Variants in ANXA8 observed in about 807,000 individuals in gnomAD.
ANXA8 encodes VAC-beta.
A neutral mutation model predicts 26.8 loss-of-function variants in ANXA8; 9 were observed. The ratio of observed to expected loss-of-function variants is 0.34; its 90% confidence interval spans 0.20 to 0.59. The LOEUF is 0.59. ANXA8 is among the 20% of genes least tolerant of loss of function. ANXA8 has a pLI of 0.84. For missense variants in ANXA8, 83 were observed against 238.5 expected, an observed-to-expected ratio of 0.35 and a Z score of 4.29; for synonymous variants, 39 against 94.8, an observed-to-expected ratio of 0.41 and a Z score of 3.42.
the ANXA8 span, among the ~76,000 whole-genome samples, chr10:47,595,917 T>C: frequency 6.7e-6 from 1 of 148,814 alleles, no homozygotes; most frequent in Non-Finnish European, 1.5e-5. Flanking sequence ...TTGAACCTAA[T>C]AGACATCTAC....
the ANXA8 span, among the ~76,000 whole-genome samples, chr10:47,727,265 T>C: frequency 2.0e-5 from 3 of 152,288 alleles, no homozygotes; most frequent in East Asian, 3.8e-4. Flanking sequence ...ACATAATATA[T>C]ATGAAGATAG....
the ANXA8 span, among the ~76,000 whole-genome samples, chr10:47,901,045 A>G: frequency 1.4e-5 from 2 of 140,734 alleles, no homozygotes; most frequent in South Asian, 4.7e-4. Flanking sequence ...AGACCATAAT[A>G]GCAGAGGTAG....
At chr10:47,469,270 T>C (rs1251946631) in intron 11 of ANXA8, among the ~76,000 whole-genome samples, 1 of 150,654 alleles carries the variant, frequency 6.6e-6, no homozygotes, top group African/African-American at 2.4e-5. Flanking sequence ...CAACACCTGC[T>C]GTGGCAGCTT....
chr10:47,572,841 C>A, the ANXA8 span, among the ~76,000 whole-genome samples: 1 of 151,530 alleles, frequency 6.6e-6, no homozygotes, highest in East Asian at 1.9e-4. Flanking sequence ...ATAATTGATA[C>A]CTTGTGATTT....
chr10:47,954,629 C>T, the ANXA8 span, among the ~76,000 whole-genome samples: 5 of 151,238 alleles, frequency 3.3e-5, no homozygotes, highest in African/African-American at 1.2e-4. Context: ...GATTATTACG[C>T]ATTGCATGCC....
the ANXA8 span, among the ~76,000 whole-genome samples, chr10:47,949,071 C>A: frequency 1.7e-5 from 2 of 117,270 alleles, no homozygotes; most frequent in Middle Eastern, 3.8e-3. Flanking sequence ...AGCTTACTAA[C>A]TGCAGATTTT....
chr10:47,595,384 A>G, the ANXA8 span, among the ~76,000 whole-genome samples: 1 of 147,124 alleles, frequency 6.8e-6, no homozygotes, highest in African/African-American at 2.7e-5. Context: ...TAACAAAACT[A>G]TGACAGGAAC....
At chr10:47,636,722 AG>A in the ANXA8 span, among the ~76,000 whole-genome samples, 1 of 152,140 alleles carries the variant, frequency 6.6e-6, no homozygotes, top group East Asian at 1.9e-4. Context: ...CAAATGCAAA[AG>A]TAAATGAGCT....
chr10:47,596,855 C>T, the ANXA8 span, among the ~76,000 whole-genome samples: 1 of 148,078 alleles, frequency 6.8e-6, no homozygotes, highest in Non-Finnish European at 1.5e-5. Flanking sequence ...GCCAATCCTA[C>T]TGAAACTATT....
chr10:47,970,333 A>T, the ANXA8 span: 1 of 151,418 alleles, frequency 6.6e-6, no homozygotes, highest in Non-Finnish European at 1.5e-5. Flanking sequence ...ATCAGGGCTG[A>T]CTGAGCAGCT....
At chr10:47,663,267 C>T in the ANXA8 span, among the ~76,000 whole-genome samples, 2 of 148,814 alleles carry the variant, frequency 1.3e-5, no homozygotes, top group East Asian at 3.9e-4. Context: ...TCACTGATGA[C>T]CGTGTGTCTC....
chr10:47,733,280 T>TTTC, the ANXA8 span, among the ~76,000 whole-genome samples: 1 of 100,466 alleles, frequency 1.0e-5, no homozygotes, highest in Non-Finnish European at 2.0e-5. Context: ...TCTTTCTTTC[T>TTTC]TTCTTTCTTT....
chr10:47,595,910 A>C, the ANXA8 span, among the ~76,000 whole-genome samples: 1 of 148,812 alleles, frequency 6.7e-6, no homozygotes, highest in East Asian at 1.9e-4. Flanking sequence ...TGACCAATTG[A>C]ACCTAATAGA....
chr10:47,985,134 A>T, the ANXA8 span, among the ~76,000 whole-genome samples: 5 of 150,104 alleles, frequency 3.3e-5, no homozygotes, highest in African/African-American at 1.0e-4. Flanking sequence ...AGTAAAAAAA[A>T]AAAATCTGAT....
chr10:47,674,442 C>T, the ANXA8 span, among the ~76,000 whole-genome samples: 2 of 151,718 alleles, frequency 1.3e-5, no homozygotes, highest in East Asian at 1.9e-4. Context: ...GTACCATTTT[C>T]ATCACATCAT....
the ANXA8 span, among the ~76,000 whole-genome samples, chr10:47,907,072 C>G: frequency 2.6e-5 from 4 of 151,422 alleles, no homozygotes; most frequent in African/African-American, 9.7e-5. Flanking sequence ...AATTAAGGAT[C>G]CAGGCCGGGC....
the ANXA8 span, among the ~76,000 whole-genome samples, chr10:47,653,411 T>G: frequency 5.3e-5 from 8 of 151,410 alleles, 1 homozygote; most frequent in African/African-American, 1.9e-4. Context: ...GATAACTGAA[T>G]AGCCAAAATA....
the ANXA8 span, among the ~76,000 whole-genome samples, chr10:47,949,869 A>G: frequency 6.7e-6 from 1 of 150,182 alleles, no homozygotes. Flanking sequence ...AAATAAACAG[A>G]GAACAAATGA....
chr10:47,587,492 A>G, the ANXA8 span, among the ~76,000 whole-genome samples: 1 of 146,340 alleles, frequency 6.8e-6, no homozygotes, highest in Admixed American at 6.6e-5. Context: ...CCCTTTCCAC[A>G]TAGACTTGAT....
Sources: allele counts gnomAD v4.1 joint callset (sites outside exome capture counted in the v4.1 genomes callset), GRCh38; gene constraint gnomAD v4.1.1; transcripts MANE v1.5; gene names NCBI Gene and HGNC (gene_info 2026-07-23, HGNC 2026-07-21).